The following RTKN2 variants were observed in gnomAD, a reference collection of about 807,000 sequenced individuals.
The protein encoded by RTKN2 is rhotekin-2.
Under a neutral mutation model 71.5 loss-of-function variants are expected in RTKN2, and 69 were observed. That is an observed-to-expected ratio of 0.96 (90% CI 0.79 to 1.18). RTKN2 has a LOEUF of 1.18. Ranked by LOEUF, RTKN2 falls within the 50% of genes most tolerant of loss-of-function variation. The pLI, the probability that RTKN2 is intolerant of heterozygous loss-of-function variation, is 0.00. For synonymous variants in RTKN2, 236 were observed against 236.5 expected (o/e 1.00, Z 0.02); for missense variants, 724 against 719.7 (o/e 1.01, Z -0.07).
At position 62,197,336 on chromosome 10, in the gene RTKN2, T is replaced by C. The variant is rs1478791515; in HGVS notation, c.*572A>G. ...ACAAATTCCCTTTAAAGATGAAGAA[T>C]TTAATATTCTAAAATTTATCCCAGG... On this transcript the variant is annotated 3_prime_UTR_variant, in exon 12 of 12. Coordinates refer to ENST00000373789, the MANE Select transcript of RTKN2 (RefSeq NM_145307.4). 5.8e-5 allele frequency: 57 copies of C among 984,716 alleles called. No homozygotes were observed. Among genetic ancestry groups the C allele is most frequent in the Non-Finnish European group, 6.8e-5 (56 of 829,052 alleles). The allele number at this position is 984,716 out of a possible 1,614,324, so 61.0% of individuals were successfully genotyped here. A position where few individuals can be genotyped will look rare whatever the true frequency, so the allele number is the denominator to read the frequency against.
Position 62,241,437 on chromosome 10 carries a change from A to G in RTKN2, c.317-242T>C, listed in dbSNP as rs148941509. Among the ~76,000 whole-genome samples, 40 of 152,288 alleles carry G rather than the reference A, an allele frequency of 2.6e-4. No individual in the cohort carries two copies. The East Asian group carries it at 7.3e-3, about 28-fold the overall frequency. Reference sequence around the variant, plus strand: ...AAAAATAACTGTTCTAACTCCATATATATCTGTTTCTTCCTTACTGATTAA... The same window carrying G: ...AAAAATAACTGTTCTAACTCCATATGTATCTGTTTCTTCCTTACTGATTAA... On this transcript the variant is annotated intron_variant, in intron 3 of 11. Coordinates refer to ENST00000373789, the MANE Select transcript of RTKN2 (RefSeq NM_145307.4).
chr10:62,247,551 A>G (rs1842501955), intron 2 of RTKN2, among the ~76,000 whole-genome samples: 1 of 152,024 alleles, frequency 6.6e-6, no homozygotes, highest in Non-Finnish European at 1.5e-5. Flanking sequence ...TGTTTATTTC[A>G]AAATAAAGTT....
At position 62,193,697 on chromosome 10, in the gene RTKN2, G is replaced by T. The variant is rs1406582769; in HGVS notation, c.*4211C>A. ...ATAAGGAGACTCCTTGTGGCTAGTA[G>T]CGACTGAATATCCTACGTACCTAAT... is the stretch of plus-strand genomic sequence containing the variant. On this transcript the variant is annotated 3_prime_UTR_variant, in exon 12 of 12. Transcript: ENST00000373789. The T allele has an allele frequency of 1.0e-6, 1 of 985,116 alleles. No individual in the cohort carries two copies. The highest frequency in any genetic ancestry group is 1.2e-6 in the Non-Finnish European group (1 of 829,692). The allele number at this position is 985,116 out of a possible 1,614,324, so 61.0% of individuals were successfully genotyped here.
At chr10:62,263,412 T>C (rs1365578662) in intron 1 of RTKN2, among the ~76,000 whole-genome samples, 1 of 152,220 alleles carries the variant, frequency 6.6e-6, no homozygotes, top group Non-Finnish European at 1.5e-5. Flanking sequence ...TGCCAATTCC[T>C]TGATTTCAGA....
intron 7 of RTKN2, among the ~76,000 whole-genome samples, chr10:62,221,334 A>C (rs973511403): frequency 6.6e-6 from 1 of 152,082 alleles, no homozygotes; most frequent in Non-Finnish European, 1.5e-5. Context: ...TAATTCAAAC[A>C]AGGAAAAATT....
Position 62,235,973 on chromosome 10 carries a change from C to G in RTKN2, c.686+93G>C, listed in dbSNP as rs1257844835. On this transcript the variant is annotated intron_variant, in intron 6 of 11. Coordinates refer to ENST00000373789, the MANE Select transcript of RTKN2 (RefSeq NM_145307.4). ...TTGTTTTTGTTTCCTGATGTTTTTC[C>G]ATTTATAAAGTAAACATACACTTCA... 3 of 929,566 alleles carry G rather than the reference C, an allele frequency of 3.2e-6. No individual in the cohort carries two copies. The African/African-American group carries it at 5.1e-5, about 16-fold the overall frequency. The allele number at this position is 929,566 out of a possible 1,614,324, so 57.6% of individuals were successfully genotyped here.
chr10:62,214,973 C>G (rs982298930), intron 9 of RTKN2: 12 of 782,408 alleles, frequency 1.5e-5, no homozygotes, highest in Non-Finnish European at 2.2e-5. Context: ...TATTTCTTCA[C>G]TTGTAAAAGA....
chr10:62,234,541 A>G (rs1204016293), intron 6 of RTKN2, among the ~76,000 whole-genome samples: 1 of 151,866 alleles, frequency 6.6e-6, no homozygotes, highest in Non-Finnish European at 1.5e-5. Context: ...AAAATTCAAG[A>G]GTTCAAATAA....
intron 6 of RTKN2, among the ~76,000 whole-genome samples, chr10:62,228,740 G>C (rs1366766922): frequency 2.6e-5 from 4 of 152,114 alleles, no homozygotes; most frequent in African/African-American, 9.7e-5. Context: ...AAGTAGACAG[G>C]CCTTAGATGA....
intron 6 of RTKN2, among the ~76,000 whole-genome samples, chr10:62,224,194 A>G (rs1323743543): frequency 1.3e-5 from 2 of 152,110 alleles, no homozygotes; most frequent in Admixed American, 1.3e-4. Flanking sequence ...AGGAGGATAG[A>G]AGGAGGAATT....
rs375665097 is a variant in RTKN2, at chr10:62,230,497, G to A, written c.686+5569C>T. ...GGGCCTATTATTTTTCTAACCAAATGATTAATGTGGTTAAGTGGTAACAGG... is the reference window on the plus strand; with the variant it reads ...GGGCCTATTATTTTTCTAACCAAATAATTAATGTGGTTAAGTGGTAACAGG... On this transcript the variant is annotated intron_variant, in intron 6 of 11. Transcript: ENST00000373789. Among the ~76,000 whole-genome samples the A allele has an allele frequency of 1.1e-4, 17 of 152,222 alleles. No homozygotes were observed. The East Asian group carries it at 2.3e-3, about 21-fold the overall frequency.
In RTKN2 at chr10:62,195,139, G is replaced by A; in HGVS notation, c.*2769C>T. On this transcript the variant is annotated 3_prime_UTR_variant, in exon 12 of 12. Transcript: ENST00000373789. ...CTACGTAATTTATATCCCAGAGCTT[G>A]AAATGTAAAGGTAATTGTCTAAGAC... 1.0e-6 allele frequency: 1 copy of A among 977,900 alleles called. No individual in the cohort carries two copies. Among genetic ancestry groups the A allele is most frequent in the South Asian group, 4.7e-5 (1 of 21,116 alleles). The allele number at this position is 977,900 out of a possible 1,614,324, so 60.6% of individuals were successfully genotyped here.
chr10:62,268,040 A>T (rs1432126174), intron 1 of RTKN2, among the ~76,000 whole-genome samples: 1 of 152,240 alleles, frequency 6.6e-6, no homozygotes, highest in Non-Finnish European at 1.5e-5. Context: ...CCCAGTATCA[A>T]ACCTTCAACT....
chr10:62,259,110 G>C, intron 2 of RTKN2: 1 of 417,780 alleles, frequency 2.4e-6, no homozygotes, highest in East Asian at 7.8e-5. Context: ...TCATGATAGT[G>C]AGTAAGTCTC....
intron 8 of RTKN2, among the ~76,000 whole-genome samples, chr10:62,217,506 T>C (rs1393703336): frequency 6.6e-6 from 1 of 152,188 alleles, no homozygotes; most frequent in Non-Finnish European, 1.5e-5. Context: ...TTTACACACA[T>C]AAAACCATAG....
intron 1 of RTKN2, 109 bp downstream of exon 1, chr10:62,268,442 A>G (rs112731522): frequency 1.9e-6 from 2 of 1,068,826 alleles, no homozygotes; most frequent in Non-Finnish European, 2.8e-6. Context: ...CCACCGCTGA[A>G]ATAGAGGAGC....
chr10:62,218,996 C>CAAAACAAGAACA (rs1554810277), intron 7 of RTKN2, among the ~76,000 whole-genome samples: 1 of 151,426 alleles, frequency 6.6e-6, no homozygotes, highest in East Asian at 1.9e-4. Context: ...AAAAACAAAG[C>CAAAACAAGAACA]AAAACAAAAA....
At chr10:62,239,792 G>T in intron 4 of RTKN2, 27 bp from the exon 5 acceptor site, 2 of 1,062,516 alleles carry the variant, frequency 1.9e-6, no homozygotes, top group African/African-American at 1.6e-5. Context: ...AACATATTAA[G>T]CAACAATCCA....
At chr10:62,191,518 T>G (rs1262547799), downstream of RTKN2, among the ~76,000 whole-genome samples, 1 of 152,220 alleles carries the variant, frequency 6.6e-6, no homozygotes, top group Non-Finnish European at 1.5e-5. Context: ...GATTACTCTT[T>G]CATACTGCCC....
Sources: allele counts gnomAD v4.1 joint callset (sites outside exome capture counted in the v4.1 genomes callset), GRCh38; gene constraint gnomAD v4.1.1; transcripts MANE v1.5; gene names NCBI Gene and HGNC (gene_info 2026-07-23, HGNC 2026-07-21).